The following AR variants were observed in gnomAD, a reference collection of about 807,000 sequenced individuals.
The protein encoded by AR is dihydrotestosterone receptor.
A neutral mutation model predicts 53.9 loss-of-function variants in AR; 8 were observed. The ratio of observed to expected loss-of-function variants is 0.15; its 90% CI spans 0.09 to 0.27. The LOEUF (loss-of-function observed/expected upper bound fraction) is 0.27. Ranked by LOEUF, AR falls within the 10% of genes least tolerant of loss-of-function variation. The pLI, the probability that AR is intolerant of heterozygous loss-of-function variation, is 1.00. For synonymous variants in AR, 359 were observed against 316.4 expected (o/e 1.13, Z -1.43); for missense variants, 639 against 742.5 (o/e 0.86, Z 1.62).
At chrX:67,620,130 T>C (rs1208954861) in intron 1 of AR, among the ~76,000 whole-genome samples, 2 of 111,252 alleles carry the variant, frequency 1.8e-5, no homozygotes, top group African/African-American at 6.5e-5. Flanking sequence ...GCTTACATGA[T>C]GCTATCTTCC....
At chrX:67,673,469 CT>C (rs1208283962) in intron 2 of AR, among the ~76,000 whole-genome samples, 2 of 86,320 alleles carry the variant, frequency 2.3e-5, no homozygotes, top group Admixed American at 1.3e-4. Flanking sequence ...TCATTGTTTG[CT>C]ATTTTTTTTT....
At chrX:67,650,263 CA>C (rs1926272466) in intron 2 of AR, among the ~76,000 whole-genome samples, 1 of 112,055 alleles carries the variant, frequency 8.9e-6, no homozygotes, top group Non-Finnish European at 1.9e-5. Context: ...CAATTCTAAG[CA>C]AAAAGAATAA....
At chrX:67,719,354 C>T (rs1198111176) in intron 5 of AR, among the ~76,000 whole-genome samples, 1 of 112,276 alleles carries the variant, frequency 8.9e-6, no homozygotes, top group African/African-American at 3.2e-5. Context: ...CCTGCTCTAC[C>T]TTCCCCAGAG....
At chrX:67,713,477 T>C in intron 4 of AR, among the ~76,000 whole-genome samples, 1 of 112,146 alleles carries the variant, frequency 8.9e-6, no homozygotes, top group Non-Finnish European at 1.9e-5. Context: ...AAGTTTAATC[T>C]TCCCAAGCAG....
chrX:67,723,630 A>G (rs761379239), intron 7 of AR, 56 bp from the exon 8 acceptor site: 1 of 1,179,018 alleles, frequency 8.5e-7, no homozygotes, highest in East Asian at 3.0e-5. Flanking sequence ...GGAAGAGGCT[A>G]GCAGAGGCCA....
rs1479558929 is a variant in AR, at chrX:67,544,899, TAA to T, written c.-247_-246del. 2.9e-6 allele frequency: 1 copy of T among 350,496 alleles called. No homozygotes were observed. 28.9% of individuals were successfully genotyped at this position (350,496 alleles called of 1,213,427 possible). ...TCTTTTGAATCTACCCTTCAAGTATTAAGAGACAGACTGTGAGCCTAGCAGGG... is the reference window on the plus strand; with the variant it reads ...TCTTTTGAATCTACCCTTCAAGTATTGAGACAGACTGTGAGCCTAGCAGGG... On this transcript the variant is annotated 5_prime_UTR_variant, in exon 1 of 8. Transcript: ENST00000374690.
In AR at chrX:67,544,684, G is replaced by A. The variant is rs1391227181; in HGVS notation, c.-463G>A. On this transcript the variant is annotated 5_prime_UTR_variant, in exon 1 of 8. Transcript: ENST00000374690. ...CACCTCCTCCTGCCTTCCCCACCCC[G>A]AGTGCGGAGCCAGAGATCAAAAGAT... 7 of 171,895 alleles carry A rather than the reference G, an allele frequency of 4.1e-5. No homozygotes were observed. The highest frequency in any genetic ancestry group is 2.2e-5 in the Non-Finnish European group (2 of 91,477). 14.2% of individuals were successfully genotyped at this position (171,895 alleles called of 1,213,427 possible).
At chrX:67,580,361 A>G (rs1467450312) in intron 1 of AR, among the ~76,000 whole-genome samples, 1 of 111,920 alleles carries the variant, frequency 8.9e-6, no homozygotes, top group Non-Finnish European at 1.9e-5. Flanking sequence ...TGTCAAAAAT[A>G]TACACAGCTT....
At position 67,594,085 on chromosome X, in the gene AR, C is replaced by T. The variant is rs376297357; in HGVS notation, c.1616+47323C>T. Among the ~76,000 whole-genome samples, 8 of 112,030 alleles carry T rather than the reference C, an allele frequency of 7.1e-5. No individual in the cohort carries two copies. In the East Asian group the frequency reaches 2.3e-3, roughly 32 times the overall value. On this transcript the variant is annotated intron_variant, in intron 1 of 7. Transcript: ENST00000374690. ...TCATGGCTTACTACAGCCTCGATCT[C>T]CTGGTTCAAGTGATCCTCCAACTTC...
rs112198030 is a variant in AR at position 67,640,203 on chromosome X, G to T, written c.1617-3053G>T. On this transcript the variant is annotated intron_variant, in intron 1 of 7. Coordinates refer to ENST00000374690, the MANE Select transcript of AR (RefSeq NM_000044.6). ...TGGTGGATAAGCTTTTTGATGTGCT[G>T]CTGGATTGGGTTTGCCAGTATTTTT... Among the ~76,000 whole-genome samples, 327 of 111,392 alleles carry T rather than the reference G, an allele frequency of 2.9e-3. 1 individual carries two copies. The highest frequency in any genetic ancestry group is 0.01 in the African/African-American group (309 of 30,627).
At chrX:67,580,671 G>T (rs1327789339) in intron 1 of AR, among the ~76,000 whole-genome samples, 1 of 111,274 alleles carries the variant, frequency 9.0e-6, no homozygotes, top group Non-Finnish European at 1.9e-5. Context: ...GACCACTCTG[G>T]TTTTTTCTTC....
Position 67,639,911 on chromosome X carries a change from G to A in AR, c.1617-3345G>A, listed in dbSNP as rs552701904. 6.8e-4 allele frequency among the ~76,000 whole-genome samples: 76 copies of A among 111,588 alleles called. No homozygotes were observed. In the South Asian group the frequency reaches 0.028, roughly 41 times the overall value. On this transcript the variant is annotated intron_variant, in intron 1 of 7. Coordinates refer to ENST00000374690, the MANE Select transcript of AR (RefSeq NM_000044.6). ...TGTCTTGTTCTGGTTTTCAAAGGGA[G>A]TGCTTCCAGTTTTTGACCATTCAGT... is the stretch of plus-strand genomic sequence containing the variant.
chrX:67,717,366 G>A (rs2076117554), intron 4 of AR, 112 bp from the exon 5 acceptor site: 11 of 1,034,344 alleles, frequency 1.1e-5, no homozygotes, highest in Non-Finnish European at 1.5e-5. Flanking sequence ...TGGTCCCTGG[G>A]GATCCTTAGG....
At chrX:67,661,833 G>A (rs1926937536) in intron 2 of AR, among the ~76,000 whole-genome samples, 3 of 111,400 alleles carry the variant, frequency 2.7e-5, no homozygotes, top group Middle Eastern at 9.3e-3. Flanking sequence ...GACTTTTTTT[G>A]ATTGGTAAGC....
At position 67,552,770 on chromosome X, in the gene AR, AT is replaced by A. The variant is rs765977895; in HGVS notation, c.1616+6011del. Among the ~76,000 whole-genome samples, 29 of 111,656 alleles carry A rather than the reference AT, an allele frequency of 2.6e-4. No individual in the cohort carries two copies. In the East Asian group the frequency reaches 8.2e-3, roughly 32 times the overall value. On this transcript the variant is annotated intron_variant, in intron 1 of 7. Transcript: ENST00000374690. ...GAAGTGGTACCTCATTGTGGCTTTT[AT>A]TTCCATTTCCCTAATAACAAATAAT... is the stretch of plus-strand genomic sequence containing the variant.
intron 1 of AR, among the ~76,000 whole-genome samples, chrX:67,638,208 T>C (rs1925551592): frequency 8.9e-6 from 1 of 112,207 alleles, no homozygotes; most frequent in Non-Finnish European, 1.9e-5. Context: ...CCACAATTTC[T>C]TTATCCAATC....
intron 1 of AR, among the ~76,000 whole-genome samples, chrX:67,562,378 G>GTGTGTGTGTGTC (rs1336715472): frequency 4.6e-5 from 5 of 109,422 alleles, no homozygotes; most frequent in African/African-American, 1.7e-4. Context: ...GTGTGTGTGT[G>GTGTGTGTGTGTC]TGTGTGTGTG....
chrX:67,653,640 A>C (rs181118767), intron 2 of AR, among the ~76,000 whole-genome samples: 2 of 111,534 alleles, frequency 1.8e-5, no homozygotes, highest in Non-Finnish European at 3.8e-5. Context: ...ACAGGCCTTC[A>C]GTTGGCTCTT....
rs1235639295 is a variant in AR, at chrX:67,605,306, A to C, written c.1617-37950A>C. Among the ~76,000 whole-genome samples, 3 of 112,429 alleles carry C rather than the reference A, an allele frequency of 2.7e-5. No individual in the cohort carries two copies. In the East Asian group the frequency reaches 8.5e-4, roughly 32 times the overall value. ...TGGAGCTGGTTAAGTGAAGTCCAAA[A>C]ATAATTAAGAAAGTGTTTCCTTCCC... On this transcript the variant is annotated intron_variant, in intron 1 of 7. Transcript: ENST00000374690.
Sources: allele counts gnomAD v4.1 joint callset (sites outside exome capture counted in the v4.1 genomes callset), GRCh38; gene constraint gnomAD v4.1.1; transcripts MANE v1.5; gene names NCBI Gene and HGNC (gene_info 2026-07-23, HGNC 2026-07-21).